SH2D1A: variants seen among roughly 807,000 people sequenced by gnomAD.
SH2D1A encodes SH2 domain-containing protein 1A.
SH2D1A carries 6 observed loss-of-function variants against 10.1 expected under a neutral mutation model. The observed-to-expected ratio is 0.60, with a 90% confidence interval of 0.33 to 1.18. SH2D1A has a LOEUF of 1.18. Ranked by LOEUF, SH2D1A falls within the 50% of genes most tolerant of loss-of-function variation. SH2D1A has a pLI of 0.04. For missense variants in SH2D1A, 51 were observed against 97.6 expected (o/e 0.52, Z 2.01); for synonymous variants, 42 against 36.9 (o/e 1.14, Z -0.51).
chrX:124,351,134 A>G (rs1440654414), intron 1 of SH2D1A, among the ~76,000 whole-genome samples: 1 of 98,137 alleles, frequency 1.0e-5, no homozygotes, highest in Admixed American at 1.3e-4. Context: ...TGTTAAAAAT[A>G]TGATTGTGTT....
intron 1 of SH2D1A, among the ~76,000 whole-genome samples, chrX:124,347,710 A>C (rs1192400813): frequency 9.0e-6 from 1 of 111,583 alleles, no homozygotes; most frequent in East Asian, 2.8e-4. Context: ...TGCAGTAAAA[A>C]AATTAGCACT....
At chrX:124,348,822 CA>C (rs778905551) in intron 1 of SH2D1A, among the ~76,000 whole-genome samples, 46 of 112,123 alleles carry the variant, frequency 4.1e-4, no homozygotes, top group African/African-American at 1.4e-3. Context: ...ACTGTCAAGG[CA>C]AATTCTGTTC....
intron 1 of SH2D1A, 120 bp downstream of exon 1, chrX:124,346,899 T>G (rs2059994554): frequency 1.2e-6 from 1 of 829,099 alleles, no homozygotes; most frequent in East Asian, 3.3e-5. Context: ...CGCCGACGCC[T>G]CCTCCGTGGC....
intron 1 of SH2D1A, among the ~76,000 whole-genome samples, chrX:124,353,420 T>C (rs1187650602): frequency 8.9e-6 from 1 of 112,030 alleles, no homozygotes; most frequent in Non-Finnish European, 1.9e-5. Flanking sequence ...ATAGGAAAGC[T>C]ACTGATTTTA....
chrX:124,370,047 C>T, intron 2 of SH2D1A, 129 bp from the exon 3 acceptor site: 1 of 581,639 alleles, frequency 1.7e-6, no homozygotes, highest in Admixed American at 2.5e-5. Flanking sequence ...TTTCCTTCTT[C>T]CTTATGTTTT....
rs2059993707 is a variant in SH2D1A at position 124,346,738 on chromosome X, G to A, written c.96G>A (p.Arg32=). 4 of 1,210,322 alleles carry A rather than the reference G, an allele frequency of 3.3e-6. No individual in the cohort carries two copies. The highest frequency in any genetic ancestry group is 4.5e-6 in the Non-Finnish European group (4 of 895,103). The change falls in exon 1 of 4, where the codon AGG becomes AGA. Residue 32 remains arginine (R), a synonymous_variant. Coordinates refer to ENST00000371139, the MANE Select transcript of SH2D1A (RefSeq NM_002351.5). The part of the protein sequence containing the change: ...ATGLDGSYLL[R]DSESVPGVYC... ...GGCTGGATGGCAGCTATTTGCTGAG[G>A]GACAGCGAGAGCGTGCCAGGCGTGT...
intron 1 of SH2D1A, among the ~76,000 whole-genome samples, chrX:124,357,257 A>G (rs1446971558): frequency 1.8e-5 from 2 of 111,910 alleles, no homozygotes; most frequent in African/African-American, 6.5e-5. Context: ...CTCTGCGCAT[A>G]GCTTATTTCA....
At chrX:124,356,654 T>G (rs2060027280) in intron 1 of SH2D1A, among the ~76,000 whole-genome samples, 1 of 111,079 alleles carries the variant, frequency 9.0e-6, no homozygotes, top group Admixed American at 9.5e-5. Flanking sequence ...AGAGACAGGG[T>G]TTCACCATGT....
At chrX:124,353,447 T>A (rs1398032702) in intron 1 of SH2D1A, among the ~76,000 whole-genome samples, 1 of 111,804 alleles carries the variant, frequency 8.9e-6, no homozygotes, top group Non-Finnish European at 1.9e-5. Flanking sequence ...GTTCTTGTAT[T>A]TATCCAGTGT....
intron 2 of SH2D1A, among the ~76,000 whole-genome samples, chrX:124,366,564 T>C (rs773741967): frequency 1.8e-5 from 2 of 111,640 alleles, no homozygotes; most frequent in Non-Finnish European, 3.8e-5. Flanking sequence ...TAAAATTTTC[T>C]GAAGTCTAGA....
intron 1 of SH2D1A, among the ~76,000 whole-genome samples, chrX:124,360,596 C>T (rs1478720701): frequency 2.8e-5 from 2 of 71,416 alleles, no homozygotes; most frequent in South Asian, 7.9e-4. Context: ...GAGCAAGACA[C>T]CATTAAAAAA....
Position 124,371,433 on chromosome X carries a change from A to G in SH2D1A, c.*42A>G. On this transcript the variant is annotated 3_prime_UTR_variant, in exon 4 of 4. Coordinates refer to ENST00000371139, the MANE Select transcript of SH2D1A (RefSeq NM_002351.5). The stretch of plus-strand genomic sequence containing the variant: ...TTGTACTTTATTTTCTATAATTTAA[A>G]TATATGCTAAGTCTTATATATTGTA... The G allele has an allele frequency of 2.3e-6, 2 of 883,172 alleles. No individual in the cohort carries two copies. The highest frequency in any genetic ancestry group is 3.2e-5 in the East Asian group (1 of 31,383). 72.8% of individuals were successfully genotyped at this position (883,172 alleles called of 1,213,427 possible). A position where few individuals can be genotyped will look rare whatever the true frequency, so the allele number is the denominator to read the frequency against.
At chrX:124,366,384 T>C (rs1022945992) in intron 2 of SH2D1A, among the ~76,000 whole-genome samples, 6 of 110,788 alleles carry the variant, frequency 5.4e-5, no homozygotes, top group Non-Finnish European at 1.1e-4. Context: ...TCTTCATTTG[T>C]AAACGGAGCC....
At position 124,365,658 on chromosome X, in the gene SH2D1A, G is replaced by T. The variant is rs915227828; in HGVS notation, c.138-103G>T. The T allele has an allele frequency of 1.0e-5, 6 of 582,527 alleles. No individual in the cohort carries two copies. In the African/African-American group the frequency reaches 1.3e-4, roughly 13 times the overall value. 48.0% of individuals were successfully genotyped at this position (582,527 alleles called of 1,213,427 possible). On this transcript the variant is annotated intron_variant, in intron 1 of 3. Coordinates refer to ENST00000371139, the MANE Select transcript of SH2D1A (RefSeq NM_002351.5). The stretch of plus-strand genomic sequence containing the variant: ...ATGAATGCAATGACACCATATACGT[G>T]TGTCCTAGTATATGTGACATTTATA...
intron 1 of SH2D1A, among the ~76,000 whole-genome samples, chrX:124,363,890 C>CAAAAAAAAAAAAAAA (rs1211666787): frequency 6.0e-5 from 2 of 33,278 alleles, no homozygotes; most frequent in Admixed American, 6.1e-4. Context: ...GACTCTATCT[C>CAAAAAAAAAAAAAAA]AAAAAAAAAA....
At chrX:124,365,123 C>G (rs141318928) in intron 1 of SH2D1A, among the ~76,000 whole-genome samples, 1 of 110,672 alleles carries the variant, frequency 9.0e-6, no homozygotes, top group Non-Finnish European at 1.9e-5. Flanking sequence ...TGTGTAAGTA[C>G]AGTCTATGAT....
intron 1 of SH2D1A, 31 bp from the exon 2 acceptor site, chrX:124,365,730 C>G (rs778227754): frequency 1.0e-6 from 1 of 965,946 alleles, no homozygotes; most frequent in African/African-American, 1.9e-5. Context: ...CTTTTGGAAT[C>G]TTTCAGTAAT....
rs969176106 is a variant in SH2D1A, at chrX:124,372,725, G to A, written c.*1334G>A. 5 of 166,893 alleles carry A rather than the reference G, an allele frequency of 3.0e-5. No individual in the cohort carries two copies. The highest frequency in any genetic ancestry group is 4.6e-5 in the Non-Finnish European group (4 of 87,080). The allele number at this position is 166,893 out of a possible 1,213,427, so 13.8% of individuals were successfully genotyped here. On this transcript the variant is annotated 3_prime_UTR_variant, in exon 4 of 4. Coordinates refer to ENST00000371139, the MANE Select transcript of SH2D1A (RefSeq NM_002351.5). Reference sequence around the variant, plus strand: ...TGGGAATTCTGGATTGTGTATGGGTGTTGGTGAACTTGGTTTTAATTAGTG... The same window carrying A: ...TGGGAATTCTGGATTGTGTATGGGTATTGGTGAACTTGGTTTTAATTAGTG...
intron 1 of SH2D1A, among the ~76,000 whole-genome samples, chrX:124,364,068 TA>T (rs1005397460): frequency 3.6e-5 from 4 of 109,778 alleles, no homozygotes; most frequent in Non-Finnish European, 3.8e-5. Context: ...CCTACTTATA[TA>T]AAAAAAAGTT....
Sources: gnomAD v4.1 joint callset for allele counts (sites outside exome capture counted in the v4.1 genomes callset) on GRCh38, gnomAD v4.1.1 for gene constraint, MANE v1.5 for transcripts, NCBI Gene and HGNC (gene_info 2026-07-23, HGNC 2026-07-21) for gene names.